ANGPT1: variants seen among roughly 807,000 people sequenced by gnomAD.
The protein encoded by ANGPT1 is angiopoietin 1, also known as angiopoietin-1.
A neutral mutation model predicts 62.2 loss-of-function variants in ANGPT1; 17 were observed. That is an observed-to-expected ratio of 0.27 (90% CI 0.19 to 0.41). ANGPT1 has a LOEUF of 0.41. ANGPT1 is among the 10% of genes least tolerant of loss of function. The pLI, the probability that ANGPT1 is intolerant of heterozygous loss-of-function variation, is 1.00. For missense variants in ANGPT1, 478 were observed against 594.9 expected, an observed-to-expected ratio of 0.80 and a Z score of 2.04; for synonymous variants, 199 against 198.9, an observed-to-expected ratio of 1.00 and a Z score of 0.00.
At chr8:107,354,679 G>A (rs1222471524) in intron 1 of ANGPT1, among the ~76,000 whole-genome samples, 2 of 152,084 alleles carry the variant, frequency 1.3e-5, no homozygotes, top group Admixed American at 6.5e-5. Context: ...TGTCTCCATA[G>A]CAGGCACATC....
At chr8:107,300,546 AT>A (rs1273790896) in intron 5 of ANGPT1, among the ~76,000 whole-genome samples, 6 of 151,824 alleles carry the variant, frequency 4.0e-5, no homozygotes, top group Admixed American at 6.6e-5. Context: ...TAGTATTTCA[AT>A]AAAACTAAAT....
intron 1 of ANGPT1, among the ~76,000 whole-genome samples, chr8:107,446,950 C>T (rs183850956): frequency 1.3e-5 from 2 of 152,310 alleles, no homozygotes; most frequent in East Asian, 1.9e-4. Context: ...CCTCTGTATA[C>T]ACAGTCTTCC....
intron 1 of ANGPT1, among the ~76,000 whole-genome samples, chr8:107,399,168 G>A (rs1816994174): frequency 6.6e-6 from 1 of 152,042 alleles, no homozygotes; most frequent in Non-Finnish European, 1.5e-5. Context: ...TCAACTTTAG[G>A]CCTGAAGTCC....
At chr8:107,281,999 G>A (rs985833985) in intron 7 of ANGPT1, among the ~76,000 whole-genome samples, 3 of 151,382 alleles carry the variant, frequency 2.0e-5, no homozygotes, top group Non-Finnish European at 2.9e-5. Context: ...TGCAGGCCAC[G>A]GGAGGCATTA....
intron 4 of ANGPT1, among the ~76,000 whole-genome samples, chr8:107,306,749 C>A (rs1364609930): frequency 6.6e-6 from 1 of 151,858 alleles, no homozygotes; most frequent in African/African-American, 2.4e-5. Context: ...CAGATAGATA[C>A]AATAGACTTG....
chr8:107,408,400 T>C (rs1817193111), intron 1 of ANGPT1, among the ~76,000 whole-genome samples: 1 of 152,164 alleles, frequency 6.6e-6, no homozygotes, highest in Non-Finnish European at 1.5e-5. Flanking sequence ...AGATTGCTTT[T>C]GAGGTTTTGC....
intron 4 of ANGPT1, among the ~76,000 whole-genome samples, chr8:107,318,767 A>C (rs925549107): frequency 6.6e-6 from 1 of 152,144 alleles, no homozygotes; most frequent in Non-Finnish European, 1.5e-5. Flanking sequence ...ACATGTATAC[A>C]CTGCAGAATG....
chr8:107,344,690 A>G (rs545866654), intron 2 of ANGPT1, among the ~76,000 whole-genome samples: 67 of 152,314 alleles, frequency 4.4e-4, no homozygotes, highest in Admixed American at 2.0e-3. Context: ...CATTGTCATG[A>G]GTTCCTGAAA....
Position 107,373,276 on chromosome 8 carries a change from T to TTA in ANGPT1, c.298-26180_298-26179insTA, listed in dbSNP as rs879721348. Reference sequence around the variant, plus strand: ...TTTAGTCAAGTACAAAATAGATTTTTTTTTTTTTGAATTAGAGAGTGTATT... The same window carrying TTA: ...TTTAGTCAAGTACAAAATAGATTTTTTATTTTTTTTGAATTAGAGAGTGTATT... On this transcript the variant is annotated intron_variant, in intron 1 of 8. Coordinates refer to ENST00000517746, the MANE Select transcript of ANGPT1 (RefSeq NM_001146.5). Among the ~76,000 whole-genome samples, 889 of 152,326 alleles carry TTA rather than the reference T, an allele frequency of 5.8e-3. 12 individuals carry two copies. Among genetic ancestry groups the TTA allele is most frequent in the East Asian group, 0.036 (185 of 5,174 alleles).
chr8:107,456,030 T>C (rs188906865), intron 1 of ANGPT1, among the ~76,000 whole-genome samples: 1 of 152,068 alleles, frequency 6.6e-6, no homozygotes, highest in African/African-American at 2.4e-5. Context: ...ATCTGGTATA[T>C]GTATCAGCAC....
intron 8 of ANGPT1, among the ~76,000 whole-genome samples, chr8:107,261,356 T>C (rs554776725): frequency 3.3e-5 from 5 of 152,178 alleles, no homozygotes; most frequent in African/African-American, 1.2e-4. Flanking sequence ...ATAGGAGACT[T>C]TTTAATATTT....
rs1814080583 is a variant in ANGPT1 at position 107,284,101 on chromosome 8, C to G, written c.1205+581G>C. 3.3e-5 allele frequency: 5 copies of G among 152,272 alleles called. No homozygotes were observed. The South Asian group carries it at 8.3e-4, about 25-fold the overall frequency. 9.4% of individuals were successfully genotyped at this position (152,272 alleles called of 1,614,324 possible). A position where few individuals can be genotyped will look rare whatever the true frequency, so the allele number is the denominator to read the frequency against. ...ATGTATCATTAAGTGTATAGTTTAT[C>G]TATTTTTACATCTGCAATCATGTAT... On this transcript the variant is annotated intron_variant, in intron 7 of 8. Coordinates refer to ENST00000517746, the MANE Select transcript of ANGPT1 (RefSeq NM_001146.5).
intron 1 of ANGPT1, among the ~76,000 whole-genome samples, chr8:107,365,936 A>T (rs1213477804): frequency 6.6e-6 from 1 of 152,020 alleles, no homozygotes; most frequent in African/African-American, 2.4e-5. Flanking sequence ...TCATTAAAAA[A>T]TACTAAATCC....
intron 2 of ANGPT1, among the ~76,000 whole-genome samples, chr8:107,346,437 A>G (rs565493700): frequency 6.6e-6 from 1 of 152,284 alleles, no homozygotes; most frequent in East Asian, 1.9e-4. Flanking sequence ...ACTCGTTGGT[A>G]CTCAAATAAG....
intron 1 of ANGPT1, among the ~76,000 whole-genome samples, chr8:107,405,880 A>T (rs1416240572): frequency 6.6e-6 from 1 of 151,804 alleles, no homozygotes; most frequent in Non-Finnish European, 1.5e-5. Context: ...ATTCCTCTCA[A>T]TTTTCTTCAT....
chr8:107,437,586 G>C (rs539956895), intron 1 of ANGPT1, among the ~76,000 whole-genome samples: 27 of 152,288 alleles, frequency 1.8e-4, no homozygotes, highest in African/African-American at 6.5e-4. Context: ...TATGAACTTG[G>C]CACAGTAGCT....
chr8:107,367,774 A>G (rs2514859), intron 1 of ANGPT1, among the ~76,000 whole-genome samples: 33,738 of 152,180 alleles, frequency 0.22, 4,127 homozygotes, highest in Middle Eastern at 0.37. Flanking sequence ...ACCACTTTCC[A>G]TAAGAAGCAA....
chr8:107,435,130 C>T lies in ANGPT1; in HGVS notation c.297+62132G>A, dbSNP rs117646976. Among the ~76,000 whole-genome samples, 28 of 152,226 alleles carry T rather than the reference C, an allele frequency of 1.8e-4. No individual in the cohort carries two copies. The East Asian group carries it at 4.8e-3, about 26-fold the overall frequency. On this transcript the variant is annotated intron_variant, in intron 1 of 8. Coordinates refer to ENST00000517746, the MANE Select transcript of ANGPT1 (RefSeq NM_001146.5). ...AAGGAGAAAGGACTGTAAATGAGCA[C>T]AAGGGATCCTTTAGAGTGACAGAAA...
intron 1 of ANGPT1, among the ~76,000 whole-genome samples, chr8:107,474,542 T>C (rs1161065788): frequency 6.6e-6 from 1 of 152,152 alleles, no homozygotes; most frequent in Non-Finnish European, 1.5e-5. Context: ...GGATGACCTC[T>C]CTCACCACTC....
Sources: gnomAD v4.1 joint callset for allele counts (sites outside exome capture counted in the v4.1 genomes callset) on GRCh38, gnomAD v4.1.1 for gene constraint, MANE v1.5 for transcripts, NCBI Gene and HGNC (gene_info 2026-07-23, HGNC 2026-07-21) for gene names.